The following ST6GAL1 variants were observed in gnomAD, a reference collection of about 807,000 sequenced individuals.
ST6GAL1 encodes beta-galactoside alpha-2,6-sialyltransferase 1.
ST6GAL1 carries 20 observed loss-of-function variants against 38.0 expected under a neutral mutation model. That is an observed-to-expected ratio of 0.53 (90% CI 0.37 to 0.77). The LOEUF (loss-of-function observed/expected upper bound fraction) is 0.77, where lower values mean the gene tolerates loss of function less well. Ranked by LOEUF, ST6GAL1 falls within the 30% of genes least tolerant of loss-of-function variation. The pLI, the probability that ST6GAL1 is intolerant of heterozygous loss-of-function variation, is 0.00. For synonymous variants in ST6GAL1, 196 were observed against 188.2 expected, an observed-to-expected ratio of 1.04 and a Z score of -0.34; for missense variants, 432 against 496.4, an observed-to-expected ratio of 0.87 and a Z score of 1.23.
At chr3:187,074,442 T>C in intron 7 of ST6GAL1, 109 bp downstream of exon 7, 2 of 1,230,598 alleles carry the variant, frequency 1.6e-6, no homozygotes, top group Non-Finnish European at 1.1e-6. Flanking sequence ...CACTAAACAA[T>C]TGCTAGGATT....
intron 2 of ST6GAL1, among the ~76,000 whole-genome samples, chr3:186,993,665 A>C (rs4012171): frequency 0.84 from 127,188 of 151,630 alleles, 53,960 homozygotes; most frequent in African/African-American, 0.96. Context: ...CTTCTTTCCA[A>C]CCAGGAGTAG....
chr3:186,986,389 AT>A (rs1232137273), intron 2 of ST6GAL1: 1 of 152,408 alleles, frequency 6.6e-6, no homozygotes, highest in African/African-American at 2.4e-5. Context: ...AACAGTAAAT[AT>A]TTGTTGAATA....
At chr3:187,034,182 T>C (rs1345410168) in intron 2 of ST6GAL1, among the ~76,000 whole-genome samples, 1 of 152,060 alleles carries the variant, frequency 6.6e-6, no homozygotes, top group Non-Finnish European at 1.5e-5. Context: ...TCCTGGAAAC[T>C]CACAATCTTT....
In ST6GAL1 at chr3:186,980,387, A is replaced by G. The variant is rs141444878; in HGVS notation, c.-183+16461A>G. Among the ~76,000 whole-genome samples, 390 of 152,306 alleles carry G rather than the reference A, an allele frequency of 2.6e-3. 2 individuals carry two copies. The highest frequency in any genetic ancestry group is 8.9e-3 in the African/African-American group (368 of 41,546). ...AAATGTTAGCTGTTAGTATTATAATATAAATGAATTGAAAGGACAGCTTAT... is the reference window on the plus strand; with the variant it reads ...AAATGTTAGCTGTTAGTATTATAATGTAAATGAATTGAAAGGACAGCTTAT... On this transcript the variant is annotated intron_variant, in intron 2 of 7. Transcript: ENST00000169298.
At chr3:187,062,558 A>T (rs1460144964) in intron 5 of ST6GAL1, among the ~76,000 whole-genome samples, 1 of 143,878 alleles carries the variant, frequency 7.0e-6, no homozygotes, top group South Asian at 2.3e-4. Context: ...ACATTATGCC[A>T]AGTGAAATAA....
At position 186,942,064 on chromosome 3, in the gene ST6GAL1, C is replaced by T. The variant is rs145363744; in HGVS notation, c.-325+11230C>T. Among the ~76,000 whole-genome samples the T allele has an allele frequency of 4.7e-4, 71 of 151,994 alleles. 1 individual carries two copies. The East Asian group carries it at 9.9e-3, about 21-fold the overall frequency. ...CTTGTTTGCCATCAGAGGACTTCTG[C>T]ATTGCAGAGGGGTTGACCTCAATGG... On this transcript the variant is annotated intron_variant, in intron 1 of 7. Transcript: ENST00000169298.
intron 1 of ST6GAL1, among the ~76,000 whole-genome samples, chr3:186,953,545 A>T (rs1714649295): frequency 6.6e-6 from 1 of 151,962 alleles, no homozygotes; most frequent in Non-Finnish European, 1.5e-5. Context: ...TCTCCCTTTT[A>T]TCCTTCCTTG....
chr3:186,973,572 G>A (rs1207799233), intron 2 of ST6GAL1, among the ~76,000 whole-genome samples: 1 of 152,178 alleles, frequency 6.6e-6, no homozygotes, highest in Non-Finnish European at 1.5e-5. Flanking sequence ...GAGGTTTCTA[G>A]CCTGACAGAT....
At chr3:187,061,782 GCAAAAACTTTATGA>G (rs1472898899) in intron 5 of ST6GAL1, among the ~76,000 whole-genome samples, 1 of 151,970 alleles carries the variant, frequency 6.6e-6, no homozygotes, top group Non-Finnish European at 1.5e-5. Context: ...ACAACATAGG[GCAAAAACTTTATGA>G]CATCAGATTT....
At chr3:186,982,048 A>T (rs1363226547) in intron 2 of ST6GAL1, among the ~76,000 whole-genome samples, 1 of 152,262 alleles carries the variant, frequency 6.6e-6, no homozygotes, top group African/African-American at 2.4e-5. Context: ...TTCACAAATG[A>T]ATAAACGGGC....
At chr3:187,019,115 A>T (rs1221570988) in intron 2 of ST6GAL1, among the ~76,000 whole-genome samples, 1 of 152,258 alleles carries the variant, frequency 6.6e-6, no homozygotes, top group South Asian at 2.1e-4. Context: ...AATTAAAGTT[A>T]GTCGACAACA....
intron 2 of ST6GAL1, among the ~76,000 whole-genome samples, chr3:186,997,884 G>A (rs1433988641): frequency 6.6e-6 from 1 of 152,128 alleles, no homozygotes; most frequent in Non-Finnish European, 1.5e-5. Context: ...GCTATCTAAT[G>A]GAAATAGAAA....
At chr3:187,040,837 A>C (rs1718101580) in intron 3 of ST6GAL1, among the ~76,000 whole-genome samples, 1 of 152,240 alleles carries the variant, frequency 6.6e-6, no homozygotes, top group African/African-American at 2.4e-5. Flanking sequence ...CAACTTCAGC[A>C]GCCCAAGATA....
chr3:187,067,276 G>A (rs944869246), intron 5 of ST6GAL1, among the ~76,000 whole-genome samples: 12 of 148,498 alleles, frequency 8.1e-5, no homozygotes, highest in African/African-American at 1.2e-4. Context: ...TAGTAGAGAC[G>A]AGGTTTTACT....
intron 1 of ST6GAL1, among the ~76,000 whole-genome samples, chr3:186,956,911 A>G (rs1251846973): frequency 6.6e-6 from 1 of 152,242 alleles, no homozygotes; most frequent in Admixed American, 6.5e-5. Flanking sequence ...GAAACTCACA[A>G]GAAATAGAGA....
In ST6GAL1 at chr3:187,067,097, TTTTTTTTTTTG is replaced by T. The variant is rs1275348013; in HGVS notation, c.706-5751_706-5741del. ...TCTTTCTTTCTTTTTTTTTTTTTTT[TTTTTTTTTTTG>T]GAGACAGAGTCTCTGTCACCCAGGC... is the stretch of plus-strand genomic sequence containing the variant. On this transcript the variant is annotated intron_variant, in intron 5 of 7. Transcript: ENST00000169298. Among the ~76,000 whole-genome samples, 70 of 99,880 alleles carry T rather than the reference TTTTTTTTTTTG, an allele frequency of 7.0e-4. 1 individual carries two copies. The highest frequency in any genetic ancestry group is 1.7e-3 in the South Asian group (5 of 2,886). 65.5% of individuals were successfully genotyped at this position (99,880 alleles called of 152,430 possible). A position where few individuals can be genotyped will look rare whatever the true frequency, so the allele number is the denominator to read the frequency against.
chr3:186,953,428 G>A (rs187269752), intron 1 of ST6GAL1, among the ~76,000 whole-genome samples: 6 of 152,066 alleles, frequency 3.9e-5, no homozygotes, highest in East Asian at 3.9e-4. Context: ...TATTGTTTTC[G>A]TCTCTTCTTC....
At chr3:187,055,147 C>G (rs1410107454) in intron 5 of ST6GAL1, among the ~76,000 whole-genome samples, 1 of 151,620 alleles carries the variant, frequency 6.6e-6, no homozygotes, top group Non-Finnish European at 1.5e-5. Context: ...GGTGATATCC[C>G]AATTTATCGT....
At chr3:187,069,652 G>A (rs1483262354) in intron 5 of ST6GAL1, among the ~76,000 whole-genome samples, 1 of 152,176 alleles carries the variant, frequency 6.6e-6, no homozygotes, top group Non-Finnish European at 1.5e-5. Context: ...ACTCTAGCAT[G>A]TTTAGATCTT....
Sources: gnomAD v4.1 joint callset for allele counts (sites outside exome capture counted in the v4.1 genomes callset) on GRCh38, gnomAD v4.1.1 for gene constraint, MANE v1.5 for transcripts, NCBI Gene and HGNC (gene_info 2026-07-23, HGNC 2026-07-21) for gene names.